Variants in LOC101059915 observed in about 807,000 individuals in gnomAD.
the LOC101059915 span, chrX:71,668,169 G>C: frequency 2.7e-6 from 3 of 1,128,643 alleles, no homozygotes; most frequent in African/African-American, 5.5e-5. Context: ...AGGGACACCC[G>C]TCCCCAGAAG....
chrX:71,668,367 C>T, the LOC101059915 span: 1 of 1,145,380 alleles, frequency 8.7e-7, no homozygotes, highest in Non-Finnish European at 1.2e-6. Context: ...GATTGAGCTT[C>T]CAAGTGGATC....
the LOC101059915 span, chrX:71,669,702 C>T: frequency 5.1e-6 from 5 of 973,455 alleles, no homozygotes; most frequent in East Asian, 1.6e-4. Context: ...TGCCCAGATG[C>T]CATGCATCCT....
chrX:71,668,155 G>A, the LOC101059915 span: 41 of 1,133,718 alleles, frequency 3.6e-5, 1 homozygote, highest in East Asian at 6.2e-4. Context: ...GCCGTCCAGC[G>A]TCCAGGGACA....
At chrX:71,670,743 T>C in the LOC101059915 span, 1 of 1,086,921 alleles carries the variant, frequency 9.2e-7, no homozygotes, top group East Asian at 3.5e-5. Flanking sequence ...CAGGTATAGG[T>C]GGTGTCACTG....
At chrX:71,671,263 C>T in the LOC101059915 span, 104 of 1,161,101 alleles carry the variant, frequency 9.0e-5, no homozygotes, top group African/African-American at 6.1e-4. Flanking sequence ...GTGTTGCACA[C>T]GTCATGTCCC....
the LOC101059915 span, chrX:71,668,026 G>C: frequency 2.5e-5 from 29 of 1,164,802 alleles, no homozygotes; most frequent in African/African-American, 3.6e-5. Flanking sequence ...CGAATTGATA[G>C]AGCAGGGAAG....
chrX:71,669,842 G>A, the LOC101059915 span: 1 of 669,599 alleles, frequency 1.5e-6, no homozygotes, highest in Middle Eastern at 5.6e-4. Flanking sequence ...CTGTCCCACA[G>A]GAAATGGGGT....
the LOC101059915 span, chrX:71,667,681 G>T: frequency 1.4e-6 from 1 of 723,740 alleles, no homozygotes; most frequent in African/African-American, 2.2e-5. Context: ...GTATCAATTC[G>T]CTCTCAGGCT....
the LOC101059915 span, among the ~76,000 whole-genome samples, chrX:71,669,264 AG>A: frequency 8.9e-5 from 10 of 111,835 alleles, no homozygotes; most frequent in African/African-American, 2.6e-4. Context: ...GGTGTGTGCC[AG>A]GCCTGGCTCT....
the LOC101059915 span, chrX:71,669,177 T>G: frequency 4.8e-6 from 4 of 827,375 alleles, no homozygotes; most frequent in Non-Finnish European, 4.9e-6. Flanking sequence ...GCTCACAGGT[T>G]GTCATCGGGA....
At chrX:71,670,664 T>C in the LOC101059915 span, 1 of 1,116,161 alleles carries the variant, frequency 9.0e-7, no homozygotes, top group South Asian at 2.3e-5. Flanking sequence ...CTAGGTATGA[T>C]GGAGCACTGG....
At chrX:71,670,531 C>T in the LOC101059915 span, 39 of 1,074,390 alleles carry the variant, frequency 3.6e-5, no homozygotes, top group Non-Finnish European at 4.8e-5. Flanking sequence ...GCTATAAGGG[C>T]TGGGGGAGAC....
At chrX:71,671,495 A>G in the LOC101059915 span, 1 of 324,077 alleles carries the variant, frequency 3.1e-6, no homozygotes. Flanking sequence ...AACACAGTTC[A>G]AAGCAGTGTG....
the LOC101059915 span, chrX:71,668,641 G>C: frequency 9.3e-7 from 1 of 1,076,998 alleles, no homozygotes; most frequent in African/African-American, 1.9e-5. Flanking sequence ...GCCGGCTGTG[G>C]GAGAGCTGGA....
the LOC101059915 span, chrX:71,668,889 T>C: frequency 1.2e-5 from 13 of 1,108,211 alleles, no homozygotes; most frequent in African/African-American, 7.5e-5. Context: ...CGCCAGTGTC[T>C]GGCGTGGGGC....
chrX:71,671,412 G>C, the LOC101059915 span: 2 of 528,150 alleles, frequency 3.8e-6, no homozygotes, highest in African/African-American at 2.3e-5. Context: ...CTCCGGAGCT[G>C]CAGCTAAGCG....
the LOC101059915 span, chrX:71,668,307 TC>T: frequency 3.5e-6 from 4 of 1,133,655 alleles, no homozygotes; most frequent in African/African-American, 7.3e-5. Context: ...ACCTCAGTGT[TC>T]CTGGGCCAGG....
At chrX:71,668,117 T>G in the LOC101059915 span, 1 of 1,137,786 alleles carries the variant, frequency 8.8e-7, no homozygotes, top group Non-Finnish European at 1.2e-6. Flanking sequence ...TCTTTCTACC[T>G]GGCTGATGAG....
the LOC101059915 span, chrX:71,669,153 CCTCT>C: frequency 1.1e-6 from 1 of 920,105 alleles, no homozygotes; most frequent in East Asian, 3.6e-5. Flanking sequence ...TTGCCCATGC[CCTCT>C]CTATCCCTTG....
Sources: allele counts gnomAD v4.1 joint callset (sites outside exome capture counted in the v4.1 genomes callset), GRCh38; gene constraint gnomAD v4.1.1; transcripts MANE v1.5.